ARL14EPL: variants seen among roughly 807,000 people sequenced by gnomAD.
The protein encoded by ARL14EPL is ARF like GTPase 14 effector protein like.
In ARL14EPL, 17 loss-of-function variants were observed where a neutral mutation model predicts 15.9. The ratio of observed to expected loss-of-function variants is 1.07; its 90% CI spans 0.73 to 1.60. ARL14EPL has a LOEUF of 1.60. Ranked by LOEUF, ARL14EPL falls within the 40% of genes most tolerant of loss-of-function variation. The pLI, the probability that ARL14EPL is intolerant of heterozygous loss-of-function variation, is 0.00. For missense variants in ARL14EPL, 214 were observed against 185.9 expected (o/e 1.15, Z -0.88); for synonymous variants, 78 against 63.8 (o/e 1.22, Z -1.06).
chr5:116,040,409 G>A (rs1023148570), intron 1 of ARL14EPL, among the ~76,000 whole-genome samples: 16 of 151,488 alleles, frequency 1.1e-4, no homozygotes, highest in African/African-American at 3.9e-4. Context: ...TATATAACAG[G>A]AGTGAAGGGA....
chr5:116,047,808 G>A (rs1440692695), intron 1 of ARL14EPL, among the ~76,000 whole-genome samples: 2 of 152,074 alleles, frequency 1.3e-5, no homozygotes, highest in African/African-American at 2.4e-5. Context: ...AATATTTTAA[G>A]GTTTTATGGC....
intron 1 of ARL14EPL, among the ~76,000 whole-genome samples, chr5:116,040,469 G>A (rs1057416704): frequency 6.6e-6 from 1 of 151,742 alleles, no homozygotes; most frequent in Non-Finnish European, 1.5e-5. Context: ...TTCTGGAAAA[G>A]AGAATAAAGG....
chr5:116,040,083 C>T (rs140228709), intron 1 of ARL14EPL, among the ~76,000 whole-genome samples: 6 of 152,216 alleles, frequency 3.9e-5, no homozygotes, highest in Non-Finnish European at 7.4e-5. Flanking sequence ...CTTAGCAACT[C>T]GAAACCTAGG....
intron 2 of ARL14EPL, chr5:116,052,055 T>G: frequency 6.2e-7 from 1 of 1,613,134 alleles, no homozygotes; most frequent in South Asian, 1.1e-5. Context: ...GCCTCGAATC[T>G]TCAGTCTCTC....
At chr5:116,044,718 G>C (rs572864375) in intron 1 of ARL14EPL, among the ~76,000 whole-genome samples, 29 of 152,046 alleles carry the variant, frequency 1.9e-4, no homozygotes, top group Non-Finnish European at 3.7e-4. Flanking sequence ...TTTTAGAATA[G>C]AGTCATGGTG....
chr5:116,051,821 G>T (rs1006147931), intron 2 of ARL14EPL: 2 of 916,670 alleles, frequency 2.2e-6, no homozygotes, highest in Admixed American at 5.4e-5. Flanking sequence ...GCTTTTTGTG[G>T]AGAATATATA....
chr5:116,054,506 G>A (rs1749468988), intron 3 of ARL14EPL, among the ~76,000 whole-genome samples: 1 of 152,154 alleles, frequency 6.6e-6, no homozygotes, highest in Admixed American at 6.5e-5. Context: ...CTATCATCAA[G>A]TACAATGATT....
intron 2 of ARL14EPL, chr5:116,051,837 G>A (rs1435009584): frequency 4.7e-6 from 5 of 1,064,358 alleles, no homozygotes; most frequent in South Asian, 4.6e-5. Flanking sequence ...ATATACAAAC[G>A]TTTTTATTTT....
At chr5:116,051,953 T>C (rs1749391857) in intron 2 of ARL14EPL, 3 of 1,611,088 alleles carry the variant, frequency 1.9e-6, no homozygotes, top group East Asian at 2.2e-5. Context: ...ACCCTTGGTA[T>C]TTCTGGTGTA....
chr5:116,055,799 C>T (rs1274310879), intron 3 of ARL14EPL, among the ~76,000 whole-genome samples: 1 of 151,988 alleles, frequency 6.6e-6, no homozygotes, highest in Non-Finnish European at 1.5e-5. Flanking sequence ...CCTCCCCACT[C>T]CCCCAACCCC....
At position 116,050,968 on chromosome 5, in the gene ARL14EPL, A is replaced by G. The variant is rs546338530; in HGVS notation, c.-9-489A>G. Among the ~76,000 whole-genome samples, 6 of 152,324 alleles carry G rather than the reference A, an allele frequency of 3.9e-5. No homozygotes were observed. The South Asian group carries it at 1.0e-3, about 26-fold the overall frequency. ...CTGATTACCATTTAGCACAAGCTGC[A>G]TTAGAAATTTATCAGAAAAGTTGAG... On this transcript the variant is annotated intron_variant, in intron 1 of 3. Transcript: ENST00000686077.
intron 1 of ARL14EPL, among the ~76,000 whole-genome samples, chr5:116,034,636 G>A: frequency 6.6e-6 from 1 of 152,128 alleles, no homozygotes; most frequent in Non-Finnish European, 1.5e-5. Flanking sequence ...GGGAAGAGAT[G>A]TGATCAGCAG....
At chr5:116,055,162 C>T (rs1306142025) in intron 3 of ARL14EPL, among the ~76,000 whole-genome samples, 1 of 152,110 alleles carries the variant, frequency 6.6e-6, no homozygotes, top group Non-Finnish European at 1.5e-5. Context: ...GCCATACTCC[C>T]CAGGGAGTCA....
At chr5:116,040,539 T>C (rs1257760758) in intron 1 of ARL14EPL, among the ~76,000 whole-genome samples, 3 of 151,416 alleles carry the variant, frequency 2.0e-5, no homozygotes, top group African/African-American at 7.3e-5. Flanking sequence ...TGGACGATAT[T>C]AGTAAGTCAA....
intron 1 of ARL14EPL, among the ~76,000 whole-genome samples, chr5:116,034,635 T>C (rs1749015247): frequency 6.6e-6 from 1 of 152,096 alleles, no homozygotes; most frequent in African/African-American, 2.4e-5. Flanking sequence ...AGGGAAGAGA[T>C]GTGATCAGCA....
intron 1 of ARL14EPL, among the ~76,000 whole-genome samples, chr5:116,034,275 C>T (rs557557689): frequency 2.8e-4 from 42 of 152,278 alleles, no homozygotes; most frequent in Non-Finnish European, 5.6e-4. Flanking sequence ...GATGCCAGGG[C>T]TCTCAGGGTT....
chr5:116,048,550 T>A (rs2136209), intron 1 of ARL14EPL, among the ~76,000 whole-genome samples: 120,489 of 152,120 alleles, frequency 0.79, 47,941 homozygotes, highest in Middle Eastern at 0.86. Flanking sequence ...ACGCTTATCA[T>A]AATATTGTGA....
At chr5:116,041,354 T>C (rs1006692050) in intron 1 of ARL14EPL, among the ~76,000 whole-genome samples, 13 of 152,252 alleles carry the variant, frequency 8.5e-5, no homozygotes, top group African/African-American at 3.1e-4. Context: ...TACTGGCATA[T>C]AAGGCATGCC....
At chr5:116,039,374 A>C (rs1749106344) in intron 1 of ARL14EPL, among the ~76,000 whole-genome samples, 1 of 152,222 alleles carries the variant, frequency 6.6e-6, no homozygotes. Context: ...AAAATCAAAT[A>C]GCTGGTAAGG....
Sources: gnomAD v4.1 joint callset for allele counts (sites outside exome capture counted in the v4.1 genomes callset) on GRCh38, gnomAD v4.1.1 for gene constraint, MANE v1.5 for transcripts, NCBI Gene and HGNC (gene_info 2026-07-23, HGNC 2026-07-21) for gene names.